Variants in NDUFA10 observed in about 807,000 individuals in gnomAD.
NDUFA10 encodes NADH dehydrogenase [ubiquinone] 1 alpha subcomplex subunit 10, mitochondrial.
A neutral mutation model predicts 47.8 loss-of-function variants in NDUFA10; 40 were observed. The observed-to-expected ratio is 0.84, with a 90% CI of 0.65 to 1.09. The LOEUF (loss-of-function observed/expected upper bound fraction) is 1.09, where lower values mean the gene tolerates loss of function less well. Among genes scored for constraint, NDUFA10 ranks in the 50% least tolerant of loss-of-function variants. The pLI, the probability that NDUFA10 is intolerant of heterozygous loss-of-function variation, is 0.00. For missense variants in NDUFA10, 413 were observed against 451.1 expected, an observed-to-expected ratio of 0.92 and a Z score of 0.76; for synonymous variants, 183 against 172.2, an observed-to-expected ratio of 1.06 and a Z score of -0.49.
chr2:239,902,276 C>T (rs1386076602), intron 4 of NDUFA10, among the ~76,000 whole-genome samples: 7 of 152,162 alleles, frequency 4.6e-5, no homozygotes, highest in East Asian at 1.9e-4. Context: ...GAAGTTGCCA[C>T]GGCCACCCCA....
At chr2:240,021,466 G>A in intron 2 of NDUFA10, 54 bp from the exon 3 acceptor site, 2 of 1,503,136 alleles carry the variant, frequency 1.3e-6, no homozygotes, top group Non-Finnish European at 1.8e-6. Context: ...ACTCCCCGCA[G>A]GGAGCAGTGG....
intron 4 of NDUFA10, among the ~76,000 whole-genome samples, chr2:239,922,829 G>A (rs977479868): frequency 1.3e-5 from 2 of 152,224 alleles, no homozygotes; most frequent in Non-Finnish European, 2.9e-5. Context: ...GGTGTGCAGT[G>A]TGCCAGCAGG....
At chr2:239,983,783 A>T in intron 9 of NDUFA10, 1 of 1,518,414 alleles carries the variant, frequency 6.6e-7, no homozygotes. Context: ...AGCACTCCTT[A>T]TTAAAAACAA....
intron 4 of NDUFA10, among the ~76,000 whole-genome samples, chr2:239,931,634 CCAGT>C (rs1345007435): frequency 6.6e-6 from 1 of 152,180 alleles, no homozygotes; most frequent in South Asian, 2.1e-4. Flanking sequence ...CAGCAGGTGC[CCAGT>C]CAGTGTTTAC....
rs765775292 is a variant in NDUFA10 at position 240,022,180 on chromosome 2, TCTG to T, written c.233_235del (p.Ala78del). On this transcript the variant is annotated inframe_deletion, in exon 2 of 10. Transcript: ENST00000252711. ...GTAACATAAAATCATACCTAGTTTCTCTGCTATTTCTTTTGCAAGTTTGCCTTT... is the reference window on the plus strand; with the variant it reads ...GTAACATAAAATCATACCTAGTTTCTCTATTTCTTTTGCAAGTTTGCCTTT... 4 of 1,609,828 alleles carry T rather than the reference TCTG, an allele frequency of 2.5e-6. No individual in the cohort carries two copies. The highest frequency in any genetic ancestry group is 3.4e-6 in the Non-Finnish European group (4 of 1,176,172).
chr2:240,010,322 G>C (rs3792084), intron 6 of NDUFA10, among the ~76,000 whole-genome samples: 2,595 of 152,236 alleles, frequency 0.017, 77 homozygotes, highest in Admixed American at 0.077. Context: ...GAGGCTTAAC[G>C]AGTCTATGAG....
rs1694111111 is a variant in NDUFA10, at chr2:239,928,980, C to T, written c.295-33666G>A. 6.6e-6 allele frequency among the ~76,000 whole-genome samples: 1 copy of T among 152,382 alleles called. No individual in the cohort carries two copies. Among genetic ancestry groups the T allele is most frequent in the East Asian group, 1.9e-4 (1 of 5,188 alleles). On this transcript the variant is annotated intron_variant, in intron 4 of 5. Transcript: ENST00000419408. The surrounding 1 kb of genome is among the most constrained non-coding windows in gnomAD (Gnocchi z 4.3). ...CCCCCGACTCTTCCTCCTGCACCTA[C>T]TCCTGTCTCTGTCCAGTGCTCCCCA...
At chr2:240,007,170 A>G in intron 7 of NDUFA10, 146 bp downstream of exon 7, 2 of 679,724 alleles carry the variant, frequency 2.9e-6, no homozygotes, top group South Asian at 3.3e-5. Context: ...GAGTGTGATG[A>G]TGGGTTTGAC....
At chr2:239,950,422 C>T (rs1437607917) in intron 4 of NDUFA10, among the ~76,000 whole-genome samples, 1 of 152,240 alleles carries the variant, frequency 6.6e-6, no homozygotes, top group Non-Finnish European at 1.5e-5. Flanking sequence ...CAAGCTGCCC[C>T]CTCGGGGCAT....
chr2:239,962,565 C>A (rs1451805261), intron 9 of NDUFA10, among the ~76,000 whole-genome samples: 1 of 152,208 alleles, frequency 6.6e-6, no homozygotes, highest in African/African-American at 2.4e-5. Flanking sequence ...CTCCTAGGTG[C>A]ACAGCTGTGA....
At position 239,928,707 on chromosome 2, in the gene NDUFA10, G is replaced by A. The variant is rs907139311; in HGVS notation, c.295-33393C>T. Among the ~76,000 whole-genome samples, 9 of 152,098 alleles carry A rather than the reference G, an allele frequency of 5.9e-5. No individual in the cohort carries two copies. The highest frequency in any genetic ancestry group is 1.7e-4 in the African/African-American group (7 of 41,432). ...CTCCAGAGGCACCCAGCCAACCACC[G>A]GACATCCCGCTCCAGGTCCCTCTGT... On this transcript the variant is annotated intron_variant, in intron 4 of 5. Coordinates refer to the NDUFA10 transcript ENST00000419408. The surrounding 1 kb of genome is among the most constrained non-coding windows in gnomAD (Gnocchi z 4.3).
chr2:239,956,323 G>A (rs958083219), downstream of NDUFA10, among the ~76,000 whole-genome samples: 4 of 152,224 alleles, frequency 2.6e-5, no homozygotes, highest in Admixed American at 2.0e-4. Flanking sequence ...AGTGGCCATC[G>A]TCACACACGG....
intron 5 of NDUFA10, among the ~76,000 whole-genome samples, chr2:239,892,892 G>C (rs144037675): frequency 6.6e-6 from 1 of 152,212 alleles, no homozygotes; most frequent in African/African-American, 2.4e-5. Flanking sequence ...TGTAGGCAGG[G>C]GGGCAAGGAA....
rs186272951 is a variant in NDUFA10 at position 239,902,062 on chromosome 2, A to G, written c.295-6748T>C. Among the ~76,000 whole-genome samples the G allele has an allele frequency of 5.9e-5, 9 of 152,338 alleles. No homozygotes were observed. In the East Asian group the frequency reaches 1.5e-3, roughly 26 times the overall value. On this transcript the variant is annotated intron_variant, in intron 4 of 5. Transcript: ENST00000419408. ...TGTCGTGACCGTTGTTGAAATGACAACAAAGGATTCTGAATATTACATAAA... is the reference window on the plus strand; with the variant it reads ...TGTCGTGACCGTTGTTGAAATGACAGCAAAGGATTCTGAATATTACATAAA...
At chr2:239,893,596 G>A (rs1212394021) in intron 5 of NDUFA10, among the ~76,000 whole-genome samples, 1 of 152,178 alleles carries the variant, frequency 6.6e-6, no homozygotes, top group Non-Finnish European at 1.5e-5. Context: ...GTGTCTCCAC[G>A]TGGCAGAAGA....
At chr2:240,007,089 T>C (rs1696975566) in intron 7 of NDUFA10, among the ~76,000 whole-genome samples, 1 of 152,222 alleles carries the variant, frequency 6.6e-6, no homozygotes, top group Admixed American at 6.5e-5. Context: ...CCCAAGATTC[T>C]GTGACATCTG....
rs112474828 is a variant in NDUFA10, at chr2:239,949,762, G to A, written c.294+40312C>T. 8.6e-3 allele frequency among the ~76,000 whole-genome samples: 1,311 copies of A among 152,262 alleles called. 19 individuals are homozygous for A. Among genetic ancestry groups the A allele is most frequent in the African/African-American group, 0.03 (1,244 of 41,532 alleles). On this transcript the variant is annotated intron_variant, in intron 4 of 5. Coordinates refer to the NDUFA10 transcript ENST00000419408. ...CTCCCAAAGCACTCGGATTACAGGC[G>A]CGAGCCACCATACCTGACACTGGCC... is the stretch of plus-strand genomic sequence containing the variant.
chr2:239,954,865 T>C (rs1015975743), downstream of NDUFA10, among the ~76,000 whole-genome samples: 1 of 152,180 alleles, frequency 6.6e-6, no homozygotes, highest in Non-Finnish European at 1.5e-5. Flanking sequence ...CCCGGAAGTG[T>C]GAGTCCTGCG....
chr2:239,898,972 GAA>G (rs1559259225), intron 4 of NDUFA10, among the ~76,000 whole-genome samples: 12 of 133,070 alleles, frequency 9.0e-5, no homozygotes, highest in Middle Eastern at 4.0e-3. Flanking sequence ...AGGGTGTGAT[GAA>G]GAGGTATGAT....
Sources: gnomAD v4.1 joint callset for allele counts (sites outside exome capture counted in the v4.1 genomes callset) on GRCh38, gnomAD v4.1.1 for gene constraint, Gnocchi (gnomAD v3.1) non-coding constraint, MANE v1.5 for transcripts, NCBI Gene and HGNC (gene_info 2026-07-23, HGNC 2026-07-21) for gene names.